TSPAN9: variants seen among roughly 807,000 people sequenced by gnomAD.
TSPAN9 encodes tetraspanin 9.
In TSPAN9, 16 loss-of-function variants were observed where a neutral mutation model predicts 31.0. The observed-to-expected ratio is 0.52, with a 90% confidence interval of 0.35 to 0.78. The LOEUF (loss-of-function observed/expected upper bound fraction) is 0.78, where lower values mean the gene tolerates loss of function less well. Ranked by LOEUF, TSPAN9 falls within the 30% of genes least tolerant of loss-of-function variation. TSPAN9 has a pLI of 0.01. For missense variants in TSPAN9, 272 were observed against 312.5 expected (o/e 0.87, Z 0.98); for synonymous variants, 145 against 121.6 (o/e 1.19, Z -1.27).
chr12:3,161,823 C>G (rs1367449982), intron 2 of TSPAN9, among the ~76,000 whole-genome samples: 1 of 150,582 alleles, frequency 6.6e-6, no homozygotes, highest in East Asian at 1.9e-4. Context: ...ATCTGTCTGT[C>G]TGTTGTTTTA....
At chr12:3,155,640 TC>T (rs2098341877) in intron 2 of TSPAN9, among the ~76,000 whole-genome samples, 1 of 151,900 alleles carries the variant, frequency 6.6e-6, no homozygotes, top group East Asian at 1.9e-4. Context: ...GACCACGTCT[TC>T]CTTTTCTAGT....
chr12:3,246,567 C>G (rs142731762), intron 3 of TSPAN9, among the ~76,000 whole-genome samples: 1 of 152,166 alleles, frequency 6.6e-6, no homozygotes, highest in Non-Finnish European at 1.5e-5. Context: ...TTTGGGATTC[C>G]GAGCCCATTC....
intron 3 of TSPAN9, among the ~76,000 whole-genome samples, chr12:3,214,879 T>C (rs961551454): frequency 1.3e-5 from 2 of 151,678 alleles, no homozygotes; most frequent in Non-Finnish European, 2.9e-5. Flanking sequence ...GCGTTCTTGT[T>C]TCTTCCTCCT....
At chr12:3,119,030 A>T (rs7965305) in intron 2 of TSPAN9, among the ~76,000 whole-genome samples, 4,823 of 152,190 alleles carry the variant, frequency 0.032, 249 homozygotes, top group African/African-American at 0.11. Flanking sequence ...CGCCTTTGGG[A>T]CACTATCAGC....
intron 2 of TSPAN9, among the ~76,000 whole-genome samples, chr12:3,099,833 G>T (rs973549177): frequency 6.8e-6 from 1 of 146,888 alleles, no homozygotes; most frequent in Non-Finnish European, 1.5e-5. Flanking sequence ...TTTGAGGTCT[G>T]TCCACTCTTT....
chr12:3,269,917 G>A (rs1862641707), intron 3 of TSPAN9, among the ~76,000 whole-genome samples: 2 of 152,370 alleles, frequency 1.3e-5, no homozygotes, highest in Middle Eastern at 3.4e-3. Context: ...CGCGTGCACA[G>A]CCTGTCCTGG....
chr12:3,220,459 G>C (rs993187797), intron 3 of TSPAN9, among the ~76,000 whole-genome samples: 5 of 152,280 alleles, frequency 3.3e-5, no homozygotes, highest in Admixed American at 1.3e-4. Context: ...ACTCTCCAGC[G>C]GTGCCTGCAT....
chr12:3,092,206 G>T (rs1190765025), intron 2 of TSPAN9, among the ~76,000 whole-genome samples: 1 of 152,132 alleles, frequency 6.6e-6, no homozygotes, highest in Non-Finnish European at 1.5e-5. Context: ...AGACCTGCCA[G>T]GCCCTCCCTG....
At chr12:3,220,900 T>A (rs1489429402) in intron 3 of TSPAN9, among the ~76,000 whole-genome samples, 8 of 152,148 alleles carry the variant, frequency 5.3e-5, no homozygotes, top group Non-Finnish European at 1.2e-4. Flanking sequence ...CCTTTCCCTG[T>A]GAGGTGGTTC....
rs910250555 is a variant in TSPAN9 at position 3,155,605 on chromosome 12, A to T, written c.-17-45572A>T. ...CAAGACCCTGTCTCTTTAAAAAAAA[A>T]AAAATAAAGAGGGAGCGAGAGCAAG... On this transcript the variant is annotated intron_variant, in intron 2 of 8. Coordinates refer to ENST00000011898, the MANE Select transcript of TSPAN9 (RefSeq NM_006675.5). 4.7e-4 allele frequency among the ~76,000 whole-genome samples: 71 copies of T among 151,920 alleles called. 1 individual carries two copies. Among genetic ancestry groups the T allele is most frequent in the Admixed American group, 2.1e-3 (32 of 15,266 alleles).
rs1161502058 is a variant in TSPAN9, at chr12:3,278,645, C to T, written c.255+33C>T. ...CTGTCCAAATCCCCAGCCCCTCCAA[C>T]TCCTGATCTCCTTGCACTTGGACCC... On this transcript the variant is annotated intron_variant, in intron 4 of 8. Transcript: ENST00000011898. 2.5e-6 allele frequency: 4 copies of T among 1,596,746 alleles called. No homozygotes were observed. In the South Asian group the frequency reaches 4.5e-5, roughly 18 times the overall value.
chr12:3,276,992 C>T (rs1165657166), intron 3 of TSPAN9, among the ~76,000 whole-genome samples: 1 of 152,178 alleles, frequency 6.6e-6, no homozygotes, highest in Non-Finnish European at 1.5e-5. Flanking sequence ...AGCTTGAGAG[C>T]AGGGGCTGGG....
chr12:3,155,761 C>G (rs146018559), intron 2 of TSPAN9, among the ~76,000 whole-genome samples: 3 of 152,246 alleles, frequency 2.0e-5, no homozygotes, highest in Admixed American at 2.0e-4. Flanking sequence ...CTCCGTTTTC[C>G]CATCACGCAG....
At chr12:3,277,216 G>A (rs539376206) in intron 3 of TSPAN9, among the ~76,000 whole-genome samples, 106 of 152,336 alleles carry the variant, frequency 7.0e-4, no homozygotes, top group Non-Finnish European at 1.2e-3. Context: ...AGCTGGAGCC[G>A]GGAGTCCTGT....
At chr12:3,164,655 G>A (rs2098347324) in intron 2 of TSPAN9, among the ~76,000 whole-genome samples, 1 of 152,302 alleles carries the variant, frequency 6.6e-6, no homozygotes, top group African/African-American at 2.4e-5. Context: ...TGGTAGGTTG[G>A]CAAGTGCCGG....
At chr12:3,164,289 T>C (rs1185380955) in intron 2 of TSPAN9, among the ~76,000 whole-genome samples, 1 of 152,182 alleles carries the variant, frequency 6.6e-6, no homozygotes, top group Non-Finnish European at 1.5e-5. Context: ...AAGAAGGTGA[T>C]GCACAGCAGA....
chr12:3,228,522 C>T (rs1313981980), intron 3 of TSPAN9, among the ~76,000 whole-genome samples: 2 of 152,224 alleles, frequency 1.3e-5, no homozygotes, highest in Admixed American at 1.3e-4. Flanking sequence ...AGGCTTTGCT[C>T]ATGCCCTCCC....
intron 2 of TSPAN9, among the ~76,000 whole-genome samples, chr12:3,106,674 G>C (rs371802936): frequency 6.6e-6 from 1 of 152,198 alleles, no homozygotes; most frequent in Non-Finnish European, 1.5e-5. Flanking sequence ...GGGAGGTTGA[G>C]GTGGGGGGAT....
chr12:3,191,621 C>T (rs566847324), intron 2 of TSPAN9, among the ~76,000 whole-genome samples: 1 of 152,282 alleles, frequency 6.6e-6, no homozygotes, highest in African/African-American at 2.4e-5. Context: ...GAAGCCCTCC[C>T]TGCTGGCCCT....
Sources: gnomAD v4.1 joint callset for allele counts (sites outside exome capture counted in the v4.1 genomes callset) on GRCh38, gnomAD v4.1.1 for gene constraint, MANE v1.5 for transcripts, NCBI Gene and HGNC (gene_info 2026-07-23, HGNC 2026-07-21) for gene names.